The following OPRL1 variants were observed in gnomAD, a reference collection of about 807,000 sequenced individuals.
OPRL1 encodes opioid related nociceptin receptor 1.
A neutral mutation model predicts 15.5 loss-of-function variants in OPRL1; 5 were observed. The ratio of observed to expected loss-of-function variants is 0.32; its 90% confidence interval spans 0.17 to 0.68. The LOEUF is 0.68. Among genes scored for constraint, OPRL1 ranks in the 30% least tolerant of loss-of-function variants. The probability of loss-of-function intolerance (pLI) is 0.72; values close to 1 mark genes in which losing one functional copy is unlikely to be tolerated. For missense variants in OPRL1, 406 were observed against 515.3 expected (o/e 0.79, Z 2.05); for synonymous variants, 223 against 230.2 (o/e 0.97, Z 0.28).
intron 1 of OPRL1, among the ~76,000 whole-genome samples, chr20:64,081,115 G>A (rs1289376851): frequency 4.0e-5 from 6 of 150,976 alleles, no homozygotes; most frequent in African/African-American, 1.5e-4. Context: ...GGAGGGTATT[G>A]CGCTGCTGAG....
Position 64,096,276 on chromosome 20 carries a change from C to T in OPRL1, c.234-1526C>T, listed in dbSNP as rs753033353. 3.9e-5 allele frequency among the ~76,000 whole-genome samples: 6 copies of T among 152,238 alleles called. No homozygotes were observed. In the East Asian group the frequency reaches 5.8e-4, roughly 15 times the overall value. On this transcript the variant is annotated intron_variant, in intron 3 of 4. Coordinates refer to ENST00000336866, the MANE Select transcript of OPRL1 (RefSeq NM_182647.4). Reference sequence around the variant, plus strand: ...AGAGAGAGCAATGCTCAGGAGCTGCCGTGGCCACACTGGCCCGAGAGGCCG... The same window carrying T: ...AGAGAGAGCAATGCTCAGGAGCTGCTGTGGCCACACTGGCCCGAGAGGCCG...
rs374188775 is a variant in OPRL1, at chr20:64,089,666, G to A, written c.-184-2300G>A. Among the ~76,000 whole-genome samples the A allele has an allele frequency of 6.6e-6, 1 of 152,178 alleles. No homozygotes were observed. Among genetic ancestry groups the A allele is most frequent in the Non-Finnish European group, 1.5e-5 (1 of 68,024 alleles). On this transcript the variant is annotated intron_variant, in intron 1 of 4. Coordinates refer to ENST00000336866, the MANE Select transcript of OPRL1 (RefSeq NM_182647.4). The surrounding 1 kb of genome is among the most constrained non-coding windows in gnomAD (Gnocchi z 5.5). Reference sequence around the variant, plus strand: ...TGACCCAGGTGGAAGACAGACATGCGAAGGGAGAGGTGTCTGCAGTAGCAG... The same window carrying A: ...TGACCCAGGTGGAAGACAGACATGCAAAGGGAGAGGTGTCTGCAGTAGCAG...
Position 64,097,234 on chromosome 20 carries a change from C to A in OPRL1, c.234-568C>A, listed in dbSNP as rs1458990434. Among the ~76,000 whole-genome samples the A allele has an allele frequency of 6.6e-6, 1 of 152,122 alleles. No individual in the cohort carries two copies. Among genetic ancestry groups the A allele is most frequent in the Non-Finnish European group, 1.5e-5 (1 of 68,024 alleles). On this transcript the variant is annotated intron_variant, in intron 3 of 4. Coordinates refer to ENST00000336866, the MANE Select transcript of OPRL1 (RefSeq NM_182647.4). The surrounding 1 kb of genome is among the most constrained non-coding windows in gnomAD (Gnocchi z 4.2). ...GCCCTTTCCAGCACCATTTCAGGTG[C>A]TTGGATACACTCATACCTTATTAGC...
In OPRL1 at chr20:64,097,777, C is replaced by G. The variant is rs774009397; in HGVS notation, c.234-25C>G. The G allele has an allele frequency of 8.8e-6, 14 of 1,595,650 alleles. No individual in the cohort carries two copies. The highest frequency in any genetic ancestry group is 1.1e-5 in the South Asian group (1 of 89,730). On this transcript the variant is annotated intron_variant, in intron 3 of 4. Coordinates refer to ENST00000336866, the MANE Select transcript of OPRL1 (RefSeq NM_182647.4). The surrounding 1 kb of genome is among the most constrained non-coding windows in gnomAD (Gnocchi z 4.2). ...GTCCAGCCAGCATGGCCAAGTGAAG[C>G]CTTTCTTCTCCCTCTACTCCGCAGG...
chr20:64,087,832 C>T lies in OPRL1; in HGVS notation c.-184-4134C>T, dbSNP rs113407211. ...TACCTTCCCCCTTCTGGAGGGACCACCCCACCCTTGGCAGGTTGGGGGAGG... is the reference window on the plus strand; with the variant it reads ...TACCTTCCCCCTTCTGGAGGGACCATCCCACCCTTGGCAGGTTGGGGGAGG... On this transcript the variant is annotated intron_variant, in intron 1 of 4. Transcript: ENST00000336866. Among the ~76,000 whole-genome samples the T allele has an allele frequency of 8.8e-3, 1,336 of 152,332 alleles. 18 individuals are homozygous for T. Among genetic ancestry groups the T allele is most frequent in the African/African-American group, 0.03 (1,235 of 41,568 alleles).
chr20:64,084,252 G>T, intron 1 of OPRL1: 1 of 1,353,606 alleles, frequency 7.4e-7, no homozygotes, highest in Non-Finnish European at 9.4e-7. Context: ...AGGGCGTCCC[G>T]TCGGTGCCGG....
Position 64,097,826 on chromosome 20 carries a change from C to T in OPRL1, c.258C>T (p.Thr86=), listed in dbSNP as rs766542325. The T allele has an allele frequency of 3.7e-6, 6 of 1,612,690 alleles. No individual in the cohort carries two copies. In the South Asian group the frequency reaches 6.6e-5, roughly 18 times the overall value. Residue 86 remains threonine (T), a synonymous_variant, in exon 4 of 5, where the codon ACC becomes ACT. Transcript: ENST00000336866. The surrounding 1 kb of genome is among the most constrained non-coding windows in gnomAD (Gnocchi z 4.2). The part of the protein sequence containing the change: ...ILRHTKMKTA[T]NIYIFNLALA... The stretch of plus-strand genomic sequence containing the variant: ...GGCACACCAAAATGAAGACAGCCAC[C>T]AATATTTACATCTTTAACCTGGCCC...
chr20:64,085,394 C>T (rs1003460260), intron 1 of OPRL1, among the ~76,000 whole-genome samples: 2 of 152,154 alleles, frequency 1.3e-5, no homozygotes, highest in South Asian at 4.1e-4. Flanking sequence ...AGTTTGGGGT[C>T]TCAGGGGTCC....
In OPRL1 at chr20:64,092,838, G is replaced by A. The variant is rs1255388379; in HGVS notation, c.118G>A (p.Ala40Thr). 2.5e-6 allele frequency: 4 copies of A among 1,612,638 alleles called. No homozygotes were observed. The highest frequency in any genetic ancestry group is 1.7e-5 in the Admixed American group (1 of 60,002). Residue 40 changes from alanine to threonine, a missense_variant, in exon 3 of 5, where the codon GCC (alanine) becomes ACC (threonine). Coordinates refer to ENST00000336866, the MANE Select transcript of OPRL1 (RefSeq NM_182647.4). Reference sequence around the variant, plus strand: ...GCTGCCCCCGCATCTGCTGCTCAATGCCAGCCACGGCGCCTTCCTGCCCCT... The same window carrying A: ...GCTGCCCCCGCATCTGCTGCTCAATACCAGCCACGGCGCCTTCCTGCCCCT... Reference protein sequence around the residue: ...SLLPPHLLLNASHGAFLPLGL... With the variant: ...SLLPPHLLLNTSHGAFLPLGL...
chr20:64,084,119 G>C, intron 1 of OPRL1: 1 of 1,470,230 alleles, frequency 6.8e-7, no homozygotes, highest in African/African-American at 1.5e-5. Flanking sequence ...TGTCGCGGGC[G>C]CCCCCTTGGC....
chr20:64,087,029 C>T (rs888887348), intron 1 of OPRL1, among the ~76,000 whole-genome samples: 1 of 152,194 alleles, frequency 6.6e-6, no homozygotes, highest in Non-Finnish European at 1.5e-5. Context: ...TGAATCTCAC[C>T]CCGGAACCCA....
intron 1 of OPRL1, among the ~76,000 whole-genome samples, chr20:64,088,023 T>C (rs6010718): frequency 0.93 from 141,528 of 152,344 alleles, 65,790 homozygotes; most frequent in East Asian, 1. Context: ...CAGGCCTGTC[T>C]TTCACTCTAA....
intron 1 of OPRL1, among the ~76,000 whole-genome samples, chr20:64,080,717 C>T (rs1253348834): frequency 5.3e-5 from 8 of 152,182 alleles, no homozygotes; most frequent in Admixed American, 5.2e-4. Context: ...GTGGCCCTGA[C>T]CCTGCTCTGG....
chr20:64,080,851 G>A (rs575430491), intron 1 of OPRL1, among the ~76,000 whole-genome samples: 2 of 152,184 alleles, frequency 1.3e-5, no homozygotes, highest in South Asian at 4.1e-4. Context: ...TTCATAAAAT[G>A]CCTTCCAGTT....
chr20:64,081,133 G>A (rs927964541), intron 1 of OPRL1, among the ~76,000 whole-genome samples: 3 of 151,834 alleles, frequency 2.0e-5, no homozygotes, highest in Non-Finnish European at 4.4e-5. Flanking sequence ...GAGCGGGGGC[G>A]GGGGCCCGAA....
chr20:64,083,923 C>T lies in OPRL1; in HGVS notation c.-185+3571C>T. On this transcript the variant is annotated intron_variant, in intron 1 of 4. Coordinates refer to ENST00000336866, the MANE Select transcript of OPRL1 (RefSeq NM_182647.4). This position sits in a 1 kb window ranked among gnomAD's most constrained non-coding sequence, Gnocchi z 4.9. ...TCTGGCGCTCGGCGGGCAGCTCGAGCGACTGCGTCCACGGGCGCGGGTCGG... is the reference window on the plus strand; with the variant it reads ...TCTGGCGCTCGGCGGGCAGCTCGAGTGACTGCGTCCACGGGCGCGGGTCGG... The T allele has an allele frequency of 1.4e-6, 2 of 1,452,004 alleles. No homozygotes were observed. The highest frequency in any genetic ancestry group is 3.0e-5 in the East Asian group (1 of 32,984). The allele number at this position is 1,452,004 out of a possible 1,614,324, so 89.9% of individuals were successfully genotyped here. A position where few individuals can be genotyped will look rare whatever the true frequency, so the allele number is the denominator to read the frequency against.
chr20:64,084,355 C>T, intron 1 of OPRL1: 1 of 1,285,620 alleles, frequency 7.8e-7, no homozygotes, highest in Non-Finnish European at 9.8e-7. Flanking sequence ...TTTTGAGTTC[C>T]GCACCCCCAG....
At chr20:64,086,464 G>C (rs1205032736) in intron 1 of OPRL1, 1 of 195,586 alleles carries the variant, frequency 5.1e-6, no homozygotes, top group Admixed American at 4.7e-5. Flanking sequence ...AACTGTGAGG[G>C]ACCCAGCAGG....
intron 3 of OPRL1, among the ~76,000 whole-genome samples, chr20:64,095,235 A>T (rs1276322351): frequency 8.0e-4 from 17 of 21,158 alleles, no homozygotes; most frequent in Non-Finnish European, 5.9e-4. Flanking sequence ...AGCTGGGGGG[A>T]TAGTGGGGGG....
Sources: allele counts gnomAD v4.1 joint callset (sites outside exome capture counted in the v4.1 genomes callset), GRCh38; gene constraint gnomAD v4.1.1; non-coding constraint Gnocchi (gnomAD v3.1); transcripts MANE v1.5; gene names NCBI Gene and HGNC (gene_info 2026-07-23, HGNC 2026-07-21).